Variants in VPS13B observed in about 807,000 individuals in gnomAD.
VPS13B encodes the protein vacuolar protein sorting 13 homolog B.
In VPS13B, 285 loss-of-function variants were observed where a neutral mutation model predicts 426.4. The observed-to-expected ratio is 0.67, with a 90% CI of 0.61 to 0.74. The LOEUF (loss-of-function observed/expected upper bound fraction) is 0.74, where lower values mean the gene tolerates loss of function less well. VPS13B is among the 30% of genes least tolerant of loss of function. The probability of loss-of-function intolerance (pLI) is 0.00; values close to 1 mark genes in which losing one functional copy is unlikely to be tolerated. For missense variants in VPS13B, 4,537 were observed against 4,782.6 expected, an observed-to-expected ratio of 0.95 and a Z score of 1.51; for synonymous variants, 1,676 against 1,676.4, an observed-to-expected ratio of 1.00 and a Z score of 0.01.
At chr8:99,049,445 C>G (rs1843413701) in intron 3 of VPS13B, among the ~76,000 whole-genome samples, 2 of 151,956 alleles carry the variant, frequency 1.3e-5, no homozygotes, top group South Asian at 4.1e-4. Flanking sequence ...ATACAAAATT[C>G]TTGGCAGATA....
At chr8:99,527,138 T>C (rs1385071193) in intron 30 of VPS13B, among the ~76,000 whole-genome samples, 1 of 152,000 alleles carries the variant, frequency 6.6e-6, no homozygotes, top group Non-Finnish European at 1.5e-5. Flanking sequence ...TCTCAGTCTT[T>C]CCCACTCTGT....
At chr8:99,544,209 A>C (rs984692203) in intron 30 of VPS13B, among the ~76,000 whole-genome samples, 6 of 152,162 alleles carry the variant, frequency 3.9e-5, no homozygotes, top group Non-Finnish European at 5.9e-5. Context: ...AGACTATCGC[A>C]AGAACAAAAA....
intron 59 of VPS13B, among the ~76,000 whole-genome samples, chr8:99,868,806 A>G (rs1817240541): frequency 6.6e-6 from 1 of 152,224 alleles, no homozygotes; most frequent in Admixed American, 6.5e-5. Flanking sequence ...GGAAGGAGAG[A>G]GAGGCTGTGG....
At chr8:99,778,407 GTTTA>G (rs1811847907) in intron 41 of VPS13B, among the ~76,000 whole-genome samples, 1 of 152,188 alleles carries the variant, frequency 6.6e-6, no homozygotes, top group East Asian at 1.9e-4. Context: ...CTGCTTTTCA[GTTTA>G]TTTATTGGCT....
chr8:99,540,889 G>C (rs537206124), intron 30 of VPS13B, among the ~76,000 whole-genome samples: 1 of 152,094 alleles, frequency 6.6e-6, no homozygotes, highest in Non-Finnish European at 1.5e-5. Flanking sequence ...CTATTGCTCG[G>C]TGTTTTCTTT....
intron 24 of VPS13B, among the ~76,000 whole-genome samples, chr8:99,479,007 G>A (rs1310938640): frequency 6.6e-6 from 1 of 151,924 alleles, no homozygotes; most frequent in African/African-American, 2.4e-5. Context: ...TGTTGACATT[G>A]TATATCCATG....
intron 14 of VPS13B, among the ~76,000 whole-genome samples, chr8:99,149,523 G>A (rs1328454351): frequency 2.0e-5 from 3 of 151,854 alleles, no homozygotes; most frequent in African/African-American, 4.8e-5. Flanking sequence ...TCACCATATT[G>A]GTCAGGCAGG....
chr8:99,088,541 C>T (rs750292196), intron 3 of VPS13B, among the ~76,000 whole-genome samples: 14 of 152,128 alleles, frequency 9.2e-5, no homozygotes, highest in Non-Finnish European at 1.9e-4. Context: ...TTGTTTTAGA[C>T]GTGTTCAATT....
chr8:99,412,145 G>C lies in VPS13B; in HGVS notation c.3083-19392G>C, dbSNP rs142071105. ...AATGTATAAATTACTTTGGGCAGTT[G>C]ACCATTTTTGTGATATTGATTCCTC... On this transcript the variant is annotated intron_variant, in intron 21 of 61. Transcript: ENST00000357162. 6.1e-3 allele frequency among the ~76,000 whole-genome samples: 926 copies of C among 152,306 alleles called. 13 individuals are homozygous for C. Among genetic ancestry groups the C allele is most frequent in the African/African-American group, 0.021 (881 of 41,564 alleles).
chr8:99,446,726 A>C (rs1479096974), intron 23 of VPS13B, among the ~76,000 whole-genome samples: 1 of 152,204 alleles, frequency 6.6e-6, no homozygotes, highest in African/African-American at 2.4e-5. Flanking sequence ...TCTAACATAC[A>C]GAAAATGGTA....
intron 39 of VPS13B, among the ~76,000 whole-genome samples, chr8:99,739,912 C>G (rs1433485371): frequency 6.6e-6 from 1 of 152,176 alleles, no homozygotes; most frequent in Non-Finnish European, 1.5e-5. Context: ...AAAATCGGAG[C>G]ACCACTCCTC....
intron 35 of VPS13B, among the ~76,000 whole-genome samples, chr8:99,672,660 C>T (rs1041415349): frequency 7.9e-4 from 120 of 152,052 alleles, no homozygotes; most frequent in African/African-American, 2.8e-3. Flanking sequence ...ATTGCTTTGT[C>T]TAGGATTTCC....
intron 3 of VPS13B, among the ~76,000 whole-genome samples, chr8:99,076,661 C>T (rs1743100402): frequency 7.3e-6 from 1 of 137,744 alleles, no homozygotes; most frequent in Non-Finnish European, 1.6e-5. Flanking sequence ...TTTATCTCAT[C>T]TAGGTGTAGC....
intron 19 of VPS13B, among the ~76,000 whole-genome samples, chr8:99,332,576 T>C (rs1251124626): frequency 6.6e-6 from 1 of 151,638 alleles, no homozygotes; most frequent in Non-Finnish European, 1.5e-5. Context: ...ACTTGTAAAG[T>C]AAATGTTACC....
At chr8:99,170,338 TGTTA>T (rs1206384121) in intron 16 of VPS13B, among the ~76,000 whole-genome samples, 175 bp downstream of exon 16, 1 of 152,054 alleles carries the variant, frequency 6.6e-6, no homozygotes, top group South Asian at 2.1e-4. Flanking sequence ...TTCTGAAATC[TGTTA>T]GTTCATCATG....
At chr8:99,438,172 A>G (rs1817494509) in intron 22 of VPS13B, among the ~76,000 whole-genome samples, 1 of 151,160 alleles carries the variant, frequency 6.6e-6, no homozygotes, top group Non-Finnish European at 1.5e-5. Context: ...TCCTTTAGGG[A>G]ACTACTTCCC....
chr8:99,117,444 G>T (rs1847718035), intron 7 of VPS13B, among the ~76,000 whole-genome samples: 1 of 152,094 alleles, frequency 6.6e-6, no homozygotes, highest in Non-Finnish European at 1.5e-5. Flanking sequence ...ATTCCTACGT[G>T]TATATCAAGA....
intron 22 of VPS13B, among the ~76,000 whole-genome samples, chr8:99,441,584 C>A (rs1817677960): frequency 6.6e-6 from 1 of 152,038 alleles, no homozygotes; most frequent in South Asian, 2.1e-4. Context: ...TTTATAAGCA[C>A]CGCTAAGACA....
At chr8:99,039,658 A>C (rs1015117382) in intron 3 of VPS13B, among the ~76,000 whole-genome samples, 2 of 152,130 alleles carry the variant, frequency 1.3e-5, no homozygotes, top group Admixed American at 1.3e-4. Flanking sequence ...TGAATCTGTA[A>C]GTTTAACGTA....
Sources: allele counts gnomAD v4.1 joint callset (sites outside exome capture counted in the v4.1 genomes callset), GRCh38; gene constraint gnomAD v4.1.1; transcripts MANE v1.5; gene names NCBI Gene and HGNC (gene_info 2026-07-23, HGNC 2026-07-21).